KASH5: variants seen among roughly 807,000 people sequenced by gnomAD.
KASH5 encodes KASH domain containing 5, also known as protein KASH5.
Under a neutral mutation model 84.2 loss-of-function variants are expected in KASH5, and 72 were observed. The observed-to-expected ratio is 0.85, with a 90% confidence interval of 0.71 to 1.04. The LOEUF (loss-of-function observed/expected upper bound fraction) is 1.04. Ranked by LOEUF, KASH5 falls within the 50% of genes least tolerant of loss-of-function variation. The pLI, the probability that KASH5 is intolerant of heterozygous loss-of-function variation, is 0.00. For synonymous variants in KASH5, 260 were observed against 279.1 expected (o/e 0.93, Z 0.68); for missense variants, 650 against 701.0 (o/e 0.93, Z 0.82).
At chr19:49,403,297 C>CA (rs1974422285) in intron 9 of KASH5, among the ~76,000 whole-genome samples, 1 of 152,092 alleles carries the variant, frequency 6.6e-6, no homozygotes. Context: ...GTCGTGAACC[C>CA]AGGAGGCGGA....
chr19:49,409,519 G>A lies in KASH5; in HGVS notation c.1147-234G>A, dbSNP rs185843962. On this transcript the variant is annotated intron_variant, in intron 14 of 19. Coordinates refer to ENST00000447857, the MANE Select transcript of KASH5 (RefSeq NM_144688.5). ...TCCAGCTTTGACTCACCCCTATCTC[G>A]TCTCCCTCCATGACCATCTCACTCC... Among the ~76,000 whole-genome samples, 18 of 151,960 alleles carry A rather than the reference G, an allele frequency of 1.2e-4. No individual in the cohort carries two copies. In the East Asian group the frequency reaches 1.7e-3, roughly 15 times the overall value.
chr19:49,415,336 G>T (rs1010923611), intron 17 of KASH5: 4 of 381,346 alleles, frequency 1.0e-5, no homozygotes, highest in Non-Finnish European at 2.0e-5. Flanking sequence ...CTCGGGAGAG[G>T]TTGGGCCGGC....
chr19:49,397,327 G>A (rs1974213762), intron 5 of KASH5, among the ~76,000 whole-genome samples: 2 of 152,140 alleles, frequency 1.3e-5, no homozygotes, highest in South Asian at 2.1e-4. Flanking sequence ...GCTGGACTGG[G>A]GGTGACAGGG....
chr19:49,408,918 G>A (rs559090898), intron 12 of KASH5, 49 bp from the exon 13 acceptor site: 1 of 1,545,306 alleles, frequency 6.5e-7, no homozygotes, highest in East Asian at 2.4e-5. Context: ...TGGATGGGAG[G>A]GTGGGAAAAA....
At position 49,399,418 on chromosome 19, in the gene KASH5, T is replaced by C. The variant is rs1198909606; in HGVS notation, c.748-39T>C. The C allele has an allele frequency of 3.2e-6, 5 of 1,584,890 alleles. No homozygotes were observed. Among genetic ancestry groups the C allele is most frequent in the South Asian group, 2.3e-5 (2 of 87,974 alleles). On this transcript the variant is annotated intron_variant, in intron 8 of 19. Coordinates refer to ENST00000447857, the MANE Select transcript of KASH5 (RefSeq NM_144688.5). The surrounding 1 kb of genome is among the most constrained non-coding windows in gnomAD (Gnocchi z 4.4). ...AAGGGCAACATGGGGGCAAGGAGGC[T>C]AGAAATGAAACCTTTGTCCTCTCTC... is the stretch of plus-strand genomic sequence containing the variant.
chr19:49,412,507 G>T lies in KASH5; in HGVS notation c.1270-461G>T, dbSNP rs1974753023. Among the ~76,000 whole-genome samples the T allele has an allele frequency of 6.6e-6, 1 of 152,186 alleles. No individual in the cohort carries two copies. The highest frequency in any genetic ancestry group is 2.4e-5 in the African/African-American group (1 of 41,426). On this transcript the variant is annotated intron_variant, in intron 15 of 19. Coordinates refer to ENST00000447857, the MANE Select transcript of KASH5 (RefSeq NM_144688.5). This position sits in a 1 kb window ranked among gnomAD's most constrained non-coding sequence, Gnocchi z 4.6. Reference sequence around the variant, plus strand: ...TGGCAAGTTGGTTGCTGAGGTCAAGGGCAATGCCAATATGTCTCTGGAGAA... The same window carrying T: ...TGGCAAGTTGGTTGCTGAGGTCAAGTGCAATGCCAATATGTCTCTGGAGAA...
intron 17 of KASH5, chr19:49,415,471 C>G: frequency 4.6e-6 from 1 of 217,538 alleles, no homozygotes; most frequent in Non-Finnish European, 9.2e-6. Context: ...GATTTCCATT[C>G]TCAGGCAAGG....
chr19:49,407,334 T>C, intron 11 of KASH5, 38 bp downstream of exon 11: 1 of 1,601,504 alleles, frequency 6.2e-7, no homozygotes, highest in Non-Finnish European at 8.5e-7. Flanking sequence ...TCGCTTTCCA[T>C]GTGCACCAGC....
At chr19:49,398,508 A>G (rs977054187) in intron 7 of KASH5, among the ~76,000 whole-genome samples, 1 of 151,490 alleles carries the variant, frequency 6.6e-6, no homozygotes, top group Admixed American at 6.6e-5. Flanking sequence ...AGCTGGGACC[A>G]CAGGCCCACC....
intron 2 of KASH5, among the ~76,000 whole-genome samples, chr19:49,393,946 A>G (rs1048019094): frequency 6.6e-6 from 1 of 152,110 alleles, no homozygotes; most frequent in Non-Finnish European, 1.5e-5. Flanking sequence ...GCCCCTGGCC[A>G]TGGGCTCCAA....
Position 49,399,294 on chromosome 19 carries a change from T to A in KASH5, c.747+152T>A. On this transcript the variant is annotated intron_variant, in intron 8 of 19. Coordinates refer to ENST00000447857, the MANE Select transcript of KASH5 (RefSeq NM_144688.5). This position sits in a 1 kb window ranked among gnomAD's most constrained non-coding sequence, Gnocchi z 4.4. Reference sequence around the variant, plus strand: ...CTGCTCACCCTAGACTTTTTCAAGCTTACCTGCCATCCTTCTCATGACAAA... The same window carrying A: ...CTGCTCACCCTAGACTTTTTCAAGCATACCTGCCATCCTTCTCATGACAAA... 3.2e-6 allele frequency: 3 copies of A among 939,888 alleles called. No homozygotes were observed. The South Asian group carries it at 5.0e-5, about 16-fold the overall frequency. The allele number at this position is 939,888 out of a possible 1,614,324, so 58.2% of individuals were successfully genotyped here.
rs749988000 is a variant in KASH5 at position 49,417,304 on chromosome 19, C to T, written c.1547+38C>T. The T allele has an allele frequency of 6.3e-7, 1 of 1,593,652 alleles. No individual in the cohort carries two copies. The highest frequency in any genetic ancestry group is 8.5e-7 in the Non-Finnish European group (1 of 1,169,840). ...GCGTCTCCAGAAGGAAGGAGGTGGT[C>T]TGACATTGGGAAGAGCAGGGGCTGC... On this transcript the variant is annotated intron_variant, in intron 19 of 19. Coordinates refer to ENST00000447857, the MANE Select transcript of KASH5 (RefSeq NM_144688.5). This position sits in a 1 kb window ranked among gnomAD's most constrained non-coding sequence, Gnocchi z 5.2.
intron 2 of KASH5, among the ~76,000 whole-genome samples, chr19:49,391,309 G>A (rs563334808): frequency 1.3e-5 from 2 of 152,234 alleles, no homozygotes; most frequent in South Asian, 4.1e-4. Context: ...TTTTGTCTCT[G>A]TCTCCCCTGC....
At chr19:49,407,807 G>A (rs2122190995) in intron 12 of KASH5, 136 bp downstream of exon 12, 1 of 806,402 alleles carries the variant, frequency 1.2e-6, no homozygotes, top group Non-Finnish European at 2.1e-6. Flanking sequence ...ATGTATGACT[G>A]TATGACTGCA....
At chr19:49,407,798 T>C (rs1304115227) in intron 12 of KASH5, 127 bp downstream of exon 12, 16 of 798,650 alleles carry the variant, frequency 2.0e-5, no homozygotes, top group Middle Eastern at 2.2e-4. Flanking sequence ...CCATCCTTGA[T>C]GTATGACTGT....
At chr19:49,397,596 C>G in intron 5 of KASH5, 55 bp from the exon 6 acceptor site, 2 of 1,551,824 alleles carry the variant, frequency 1.3e-6, no homozygotes. Context: ...CCCTGGGGCA[C>G]TTTACGTTTA....
At chr19:49,394,003 C>T (rs1002120227) in intron 2 of KASH5, among the ~76,000 whole-genome samples, 1 of 152,142 alleles carries the variant, frequency 6.6e-6, no homozygotes, top group Non-Finnish European at 1.5e-5. Context: ...GAGACCTGGT[C>T]CCCAGGGTGG....
In KASH5 at chr19:49,397,996, AC is replaced by A. The variant is rs762617996; in HGVS notation, c.484del (p.Leu162CysfsTer2). The A allele has an allele frequency of 6.2e-7, 1 of 1,613,904 alleles. No individual in the cohort carries two copies. The highest frequency in any genetic ancestry group is 1.1e-5 in the South Asian group (1 of 91,066). On this transcript the variant is annotated frameshift_variant, in exon 7 of 20. Coordinates refer to ENST00000447857, the MANE Select transcript of KASH5 (RefSeq NM_144688.5). LOFTEE classifies it high-confidence loss of function. ...CTTGCCCCTAGACAAGCCACAGCTG[AC>A]CTGCTGAGCAGCCTGGAGGACCTGG... is the stretch of plus-strand genomic sequence containing the variant. ...DPRPELQATA[D>X]LLSSLEDLEL...
chr19:49,415,108 A>T, intron 17 of KASH5, 112 bp downstream of exon 17: 1 of 1,031,178 alleles, frequency 9.7e-7, no homozygotes, highest in Non-Finnish European at 1.5e-6. Context: ...CCTCAGGAGC[A>T]GAGAGAAAAA....
Sources: gnomAD v4.1 joint callset for allele counts (sites outside exome capture counted in the v4.1 genomes callset) on GRCh38, gnomAD v4.1.1 for gene constraint, Gnocchi (gnomAD v3.1) non-coding constraint, MANE v1.5 for transcripts, NCBI Gene and HGNC (gene_info 2026-07-23, HGNC 2026-07-21) for gene names.